NUP155: variants seen among roughly 807,000 people sequenced by gnomAD.
NUP155 encodes nuclear pore complex protein Nup155.
A neutral mutation model predicts 180.4 loss-of-function variants in NUP155; 71 were observed. The observed-to-expected ratio is 0.39, with a 90% confidence interval of 0.33 to 0.48. The LOEUF (loss-of-function observed/expected upper bound fraction) is 0.48. Among genes scored for constraint, NUP155 ranks in the 20% least tolerant of loss-of-function variants. NUP155 has a pLI of 0.91. For synonymous variants in NUP155, 582 were observed against 559.5 expected (o/e 1.04, Z -0.57); for missense variants, 1,553 against 1,648.9 (o/e 0.94, Z 1.01).
chr5:37,358,859 T>A (rs1387357439), intron 3 of NUP155, among the ~76,000 whole-genome samples: 1 of 151,746 alleles, frequency 6.6e-6, no homozygotes, highest in Non-Finnish European at 1.5e-5. Context: ...TCTACTAAAA[T>A]ACAAAAAATT....
chr5:37,348,403 G>C, intron 9 of NUP155, 102 bp downstream of exon 9: 1 of 811,172 alleles, frequency 1.2e-6, no homozygotes, highest in Non-Finnish European at 2.2e-6. Flanking sequence ...TTGTCTTTTA[G>C]AGACATTTTG....
intron 32 of NUP155, among the ~76,000 whole-genome samples, chr5:37,296,495 T>C (rs216396): frequency 0.52 from 79,208 of 151,284 alleles, 24,267 homozygotes; most frequent in African/African-American, 0.87. Flanking sequence ...GCAGCATGCT[T>C]GTTAAGAGTC....
intron 21 of NUP155, 148 bp from the exon 22 acceptor site, chr5:37,314,476 T>C: frequency 3.1e-6 from 2 of 641,416 alleles, no homozygotes; most frequent in Admixed American, 2.8e-5. Context: ...GTATTTATGT[T>C]ATTATCTTCT....
chr5:37,311,893 T>C (rs1185199567), intron 22 of NUP155, among the ~76,000 whole-genome samples: 1 of 152,078 alleles, frequency 6.6e-6, no homozygotes, highest in African/African-American at 2.4e-5. Flanking sequence ...TTGTGGCACA[T>C]GCCTGTAGTC....
intron 14 of NUP155, among the ~76,000 whole-genome samples, chr5:37,331,031 C>T (rs1196717597): frequency 6.6e-6 from 1 of 151,870 alleles, no homozygotes; most frequent in Admixed American, 6.6e-5. Context: ...GTCCTGTAGT[C>T]CCAGCTACTT....
intron 24 of NUP155, 34 bp from the exon 25 acceptor site, chr5:37,307,466 T>C: frequency 6.2e-7 from 1 of 1,609,046 alleles, no homozygotes; most frequent in South Asian, 1.1e-5. Flanking sequence ...GACCTATGAC[T>C]TACTACTAAG....
rs750317722 is a variant in NUP155 at position 37,324,064 on chromosome 5, T to C, written c.2135A>G (p.Gln712Arg). The stretch of plus-strand genomic sequence containing the variant: ...AAATTCCTGCAAACCCTTTAGTTCT[T>C]GTAGCACTGACTCTAGCAGTTGGCA... The part of the protein sequence containing the change: ...VPCQLLESVL[Q>R]ELKGLQEFLD... Residue 712 changes from glutamine (Q) to arginine (R), a missense_variant, in exon 20 of 35, where the codon CAA (glutamine) becomes CGA (arginine). Coordinates refer to ENST00000231498, the MANE Select transcript of NUP155 (RefSeq NM_153485.3). The C allele has an allele frequency of 2.5e-6, 4 of 1,613,934 alleles. No individual in the cohort carries two copies. The highest frequency in any genetic ancestry group is 1.1e-5 in the South Asian group (1 of 91,074).
rs756945185 is a variant in NUP155, at chr5:37,328,413, A to G, written c.1821T>C (p.Pro607=). ...ILGSPVYSSS[P]VPSGSPYPNP... is the part of the protein sequence containing the mutation. Reference sequence around the variant, plus strand: ...TTGGATAGGGACTACCACTAGGAACAGGAGAACCTAAAAAGGGAAAGAAGA... The same window carrying G: ...TTGGATAGGGACTACCACTAGGAACGGGAGAACCTAAAAAGGGAAAGAAGA... The change falls in exon 17 of 35, where the codon CCT becomes CCC. Residue 607 remains proline, a synonymous_variant. Coordinates refer to ENST00000231498, the MANE Select transcript of NUP155 (RefSeq NM_153485.3). The G allele has an allele frequency of 1.3e-6, 2 of 1,598,050 alleles. No individual in the cohort carries two copies. The highest frequency in any genetic ancestry group is 2.7e-5 in the African/African-American group (2 of 74,602).
intron 4 of NUP155, among the ~76,000 whole-genome samples, chr5:37,354,277 G>A (rs758806728): frequency 6.6e-6 from 1 of 151,794 alleles, no homozygotes; most frequent in Non-Finnish European, 1.5e-5. Flanking sequence ...CTCCCGAGTA[G>A]GTGAGATTAC....
At chr5:37,368,979 A>G (rs946924736) in intron 1 of NUP155, among the ~76,000 whole-genome samples, 1 of 152,210 alleles carries the variant, frequency 6.6e-6, no homozygotes, top group Non-Finnish European at 1.5e-5. Context: ...TCAGGCCAGG[A>G]GTGTGACTTA....
intron 5 of NUP155, 128 bp downstream of exon 5, chr5:37,352,609 T>G: frequency 1.5e-6 from 1 of 688,192 alleles, no homozygotes; most frequent in Non-Finnish European, 2.6e-6. Flanking sequence ...AGCCTGAGGA[T>G]TTGGCAGTAA....
intron 30 of NUP155, 105 bp downstream of exon 30, chr5:37,301,332 G>C: frequency 1.4e-6 from 1 of 710,284 alleles, no homozygotes; most frequent in South Asian, 1.5e-5. Context: ...TATCTTATTT[G>C]TGGAGATAAG....
intron 27 of NUP155, among the ~76,000 whole-genome samples, chr5:37,303,802 G>A (rs1291445013): frequency 6.6e-6 from 1 of 151,528 alleles, no homozygotes; most frequent in Non-Finnish European, 1.5e-5. Context: ...TTAGCTGGGT[G>A]TGGTGGTGCG....
At chr5:37,351,999 G>A (rs1746497161) in intron 5 of NUP155, among the ~76,000 whole-genome samples, 1 of 151,582 alleles carries the variant, frequency 6.6e-6, no homozygotes, top group Admixed American at 6.6e-5. Flanking sequence ...CAGGTGGGCA[G>A]ATCACCTGAG....
rs73068410 is a variant in NUP155, at chr5:37,316,227, T to C, written c.2305+1761A>G. ...TGTGCACATATGCACATATACACAA[T>C]AGAAATTACTCAGTCTTAAAAAGGA... On this transcript the variant is annotated intron_variant, in intron 21 of 34. Transcript: ENST00000231498. 7.3e-3 allele frequency among the ~76,000 whole-genome samples: 1,113 copies of C among 152,292 alleles called. 18 individuals are homozygous for C. The highest frequency in any genetic ancestry group is 0.025 in the African/African-American group (1,046 of 41,554).
chr5:37,354,865 G>GC (rs1170270689), intron 4 of NUP155, among the ~76,000 whole-genome samples: 3 of 152,038 alleles, frequency 2.0e-5, no homozygotes, highest in Non-Finnish European at 4.4e-5. Context: ...GCAGAGACGG[G>GC]CGGATCACTT....
chr5:37,320,802 A>G (rs1424034482), intron 20 of NUP155, among the ~76,000 whole-genome samples: 1 of 152,224 alleles, frequency 6.6e-6, no homozygotes, highest in Non-Finnish European at 1.5e-5. Context: ...AAAATTCCAG[A>G]TAATTTGGAG....
chr5:37,310,099 G>A (rs1743430993), intron 23 of NUP155, among the ~76,000 whole-genome samples: 1 of 151,932 alleles, frequency 6.6e-6, no homozygotes. Context: ...AGCACTATGG[G>A]AGGCTGAGGC....
At chr5:37,334,963 G>C (rs546555700) in intron 12 of NUP155, among the ~76,000 whole-genome samples, 1 of 152,028 alleles carries the variant, frequency 6.6e-6, no homozygotes, top group East Asian at 1.9e-4. Flanking sequence ...TTCGAGACCA[G>C]CCAGGCCAAT....
Sources: allele counts gnomAD v4.1 joint callset (sites outside exome capture counted in the v4.1 genomes callset), GRCh38; gene constraint gnomAD v4.1.1; transcripts MANE v1.5; gene names NCBI Gene and HGNC (gene_info 2026-07-23, HGNC 2026-07-21).